Variants in NIBAN1 observed in about 807,000 individuals in gnomAD.
NIBAN1 encodes the protein niban apoptosis regulator 1.
A neutral mutation model predicts 75.1 loss-of-function variants in NIBAN1; 81 were observed. The observed-to-expected ratio is 1.08, with a 90% CI of 0.90 to 1.30. The LOEUF (loss-of-function observed/expected upper bound fraction) is 1.30, where lower values mean the gene tolerates loss of function less well. Ranked by LOEUF, NIBAN1 falls within the 50% of genes most tolerant of loss-of-function variation. The probability of loss-of-function intolerance (pLI) is 0.00; values close to 1 mark genes in which losing one functional copy is unlikely to be tolerated. For missense variants in NIBAN1, 1,133 were observed against 1,128.1 expected (o/e 1.00, Z -0.06); for synonymous variants, 436 against 424.8 (o/e 1.03, Z -0.32).
At chr1:184,911,647 A>G (rs368661579) in intron 1 of NIBAN1, among the ~76,000 whole-genome samples, 19 of 152,236 alleles carry the variant, frequency 1.2e-4, no homozygotes, top group African/African-American at 4.3e-4. Flanking sequence ...GCACAAAATC[A>G]AGGTTAAAAA....
At chr1:184,804,005 C>T (rs1384330373) in intron 11 of NIBAN1, among the ~76,000 whole-genome samples, 1 of 152,210 alleles carries the variant, frequency 6.6e-6, no homozygotes, top group Non-Finnish European at 1.5e-5. Flanking sequence ...TTTATTACTC[C>T]TGTCCCAGGT....
intron 1 of NIBAN1, among the ~76,000 whole-genome samples, chr1:184,917,963 G>A (rs899924988): frequency 5.9e-5 from 9 of 151,902 alleles, no homozygotes; most frequent in African/African-American, 1.9e-4. Flanking sequence ...CCTTAAAAAC[G>A]CAACCCCACT....
chr1:184,955,022 A>G (rs1050972760), intron 1 of NIBAN1, among the ~76,000 whole-genome samples: 1 of 152,214 alleles, frequency 6.6e-6, no homozygotes, highest in African/African-American at 2.4e-5. Context: ...AAAATTTTTT[A>G]AAAACTGATT....
At chr1:184,875,901 C>T (rs185903564) in intron 5 of NIBAN1, among the ~76,000 whole-genome samples, 29 of 152,222 alleles carry the variant, frequency 1.9e-4, no homozygotes, top group African/African-American at 3.6e-4. Flanking sequence ...AGGCCAGGCA[C>T]GATGGCTCAT....
intron 5 of NIBAN1, among the ~76,000 whole-genome samples, chr1:184,857,689 T>C (rs1351351062): frequency 1.3e-5 from 2 of 152,162 alleles, no homozygotes; most frequent in East Asian, 1.9e-4. Context: ...CAAATAGATA[T>C]ACATATACAT....
Position 184,883,818 on chromosome 1 carries a change from A to G in NIBAN1, c.601+815T>C, listed in dbSNP as rs548609116. Among the ~76,000 whole-genome samples the G allele has an allele frequency of 2.6e-5, 4 of 152,338 alleles. No individual in the cohort carries two copies. The East Asian group carries it at 7.7e-4, about 29-fold the overall frequency. On this transcript the variant is annotated intron_variant, in intron 5 of 13. Transcript: ENST00000367511. Reference sequence around the variant, plus strand: ...GATTCTTATGAGCCCTAAAGTTTTAAGAAACACTGATCCAGAAACAAATAC... The same window carrying G: ...GATTCTTATGAGCCCTAAAGTTTTAGGAAACACTGATCCAGAAACAAATAC...
chr1:184,947,087 A>AAAAGAAAAAAAAAAGAAG (rs1378993036), intron 1 of NIBAN1, among the ~76,000 whole-genome samples: 1 of 146,302 alleles, frequency 6.8e-6, no homozygotes, highest in Non-Finnish European at 1.5e-5. Context: ...AAGAAAAGAA[A>AAAAGAAAAAAAAAAGAAG]AGAAAAGAAA....
At chr1:184,890,878 AGT>A (rs1368583372) in intron 3 of NIBAN1, among the ~76,000 whole-genome samples, 1 of 152,240 alleles carries the variant, frequency 6.6e-6, no homozygotes, top group African/African-American at 2.4e-5. Flanking sequence ...TTGCCAAAGC[AGT>A]TTGGTAAGCA....
At chr1:184,816,165 T>C (rs1654527556) in intron 9 of NIBAN1, among the ~76,000 whole-genome samples, 1 of 152,208 alleles carries the variant, frequency 6.6e-6, no homozygotes, top group South Asian at 2.1e-4. Context: ...TTTTAGGTGA[T>C]TTGGTTTATG....
intron 2 of NIBAN1, among the ~76,000 whole-genome samples, chr1:184,898,151 A>T (rs1011912556): frequency 6.6e-6 from 1 of 152,100 alleles, no homozygotes; most frequent in East Asian, 1.9e-4. Context: ...CCTTGCTCAC[A>T]GTGCTCCCAG....
intron 1 of NIBAN1, among the ~76,000 whole-genome samples, chr1:184,930,841 A>G (rs1280591610): frequency 6.6e-6 from 1 of 152,300 alleles, no homozygotes; most frequent in East Asian, 1.9e-4. Flanking sequence ...TTTATGACAC[A>G]TTAGTGTACA....
intron 5 of NIBAN1, among the ~76,000 whole-genome samples, chr1:184,842,103 T>C (rs1209810172): frequency 6.6e-6 from 1 of 152,188 alleles, no homozygotes; most frequent in Admixed American, 6.5e-5. Flanking sequence ...TTAAATCTCC[T>C]ATAAAGTTCT....
At chr1:184,956,432 T>G (rs1658493120) in intron 1 of NIBAN1, among the ~76,000 whole-genome samples, 1 of 152,200 alleles carries the variant, frequency 6.6e-6, no homozygotes. Flanking sequence ...TCAACTCAAA[T>G]TCAGCACTTC....
intron 1 of NIBAN1, among the ~76,000 whole-genome samples, chr1:184,973,240 C>T (rs1658983489): frequency 6.6e-6 from 1 of 152,194 alleles, no homozygotes; most frequent in East Asian, 1.9e-4. Context: ...GTAAAATCAG[C>T]TCCGTTGCTC....
chr1:184,839,585 G>A lies in NIBAN1; in HGVS notation c.602-7623C>T, dbSNP rs371591919. On this transcript the variant is annotated intron_variant, in intron 5 of 13. Transcript: ENST00000367511. ...TGTGTGCACGCGCGCGTGTGTGTGT[G>A]TGTTGTTCCATTTAATTTTTTTTTT... 1.3e-3 allele frequency among the ~76,000 whole-genome samples: 202 copies of A among 151,754 alleles called. 2 individuals are homozygous for A. Among genetic ancestry groups the A allele is most frequent in the Non-Finnish European group, 2.5e-3 (172 of 67,910 alleles).
intron 4 of NIBAN1, among the ~76,000 whole-genome samples, chr1:184,886,617 A>C (rs982932971): frequency 1.3e-5 from 2 of 152,170 alleles, no homozygotes; most frequent in African/African-American, 4.8e-5. Context: ...TTCCTATTAC[A>C]TGATATTGCA....
In NIBAN1 at chr1:184,818,717, A is replaced by G. The variant is rs765565397; in HGVS notation, c.1094T>C (p.Val365Ala). ...CACCTCTTTCTCAAAGAGTACACGT[A>G]CTTCACTGAATCCCGAGCTCACTGG... ...MGPVSSGFSE[V>A]RVLFEKEVNE... Residue 365 changes from valine (V) to alanine (A), a missense_variant, in exon 9 of 14, where the codon GTA becomes GCA. Coordinates refer to ENST00000367511, the MANE Select transcript of NIBAN1 (RefSeq NM_052966.4). 54 of 1,613,608 alleles carry G rather than the reference A, an allele frequency of 3.3e-5. No individual in the cohort carries two copies. Among genetic ancestry groups the G allele is most frequent in the Non-Finnish European group, 4.0e-5 (47 of 1,179,666 alleles).
chr1:184,827,964 T>G lies in NIBAN1; in HGVS notation c.717+3883A>C, dbSNP rs538742501. ...ATGCGGGTAGTTTTGTTTTTTGTTTTTTTTTTTTTTTTCCGTCTTGAAACT... is the reference window on the plus strand; with the variant it reads ...ATGCGGGTAGTTTTGTTTTTTGTTTGTTTTTTTTTTTTCCGTCTTGAAACT... On this transcript the variant is annotated intron_variant, in intron 6 of 13. Transcript: ENST00000367511. Among the ~76,000 whole-genome samples the G allele has an allele frequency of 8.6e-5, 13 of 150,990 alleles. No homozygotes were observed. The East Asian group carries it at 9.6e-4, about 11-fold the overall frequency.
chr1:184,919,949 T>G (rs1657488571), intron 1 of NIBAN1, among the ~76,000 whole-genome samples: 1 of 151,880 alleles, frequency 6.6e-6, no homozygotes, highest in Non-Finnish European at 1.5e-5. Context: ...GGATGAAAAG[T>G]CTTGTTGCAA....
Sources: gnomAD v4.1 joint callset for allele counts (sites outside exome capture counted in the v4.1 genomes callset) on GRCh38, gnomAD v4.1.1 for gene constraint, MANE v1.5 for transcripts, NCBI Gene and HGNC (gene_info 2026-07-23, HGNC 2026-07-21) for gene names.